TTF2: variants seen among roughly 807,000 people sequenced by gnomAD.
TTF2 encodes transcription termination factor 2.
A neutral mutation model predicts 142.4 loss-of-function variants in TTF2; 108 were observed. That is an observed-to-expected ratio of 0.76 (90% CI 0.65 to 0.89). The LOEUF is 0.89. TTF2 is among the 40% of genes least tolerant of loss of function. The pLI, the probability that TTF2 is intolerant of heterozygous loss-of-function variation, is 0.00. For missense variants in TTF2, 1,327 were observed against 1,379.8 expected (o/e 0.96, Z 0.61); for synonymous variants, 483 against 506.2 (o/e 0.95, Z 0.61).
rs1648060362 is a variant in TTF2, at chr1:117,086,836, G to C, written c.2160+314G>C. ...TACTTGTTGCTATTTTTATTTTAGAGTATTTGGGGTATATACTCATGATAT... is the reference window on the plus strand; with the variant it reads ...TACTTGTTGCTATTTTTATTTTAGACTATTTGGGGTATATACTCATGATAT... On this transcript the variant is annotated intron_variant, in intron 12 of 22. Coordinates refer to ENST00000369466, the MANE Select transcript of TTF2 (RefSeq NM_003594.4). This position sits in a 1 kb window ranked among gnomAD's most constrained non-coding sequence, Gnocchi z 4.2. Among the ~76,000 whole-genome samples, 1 of 151,896 alleles carries C rather than the reference G, an allele frequency of 6.6e-6. No individual in the cohort carries two copies. The highest frequency in any genetic ancestry group is 1.5e-5 in the Non-Finnish European group (1 of 67,988).
rs371494403 is a variant in TTF2, at chr1:117,097,445, G to A, written c.3269+12G>A. On this transcript the variant is annotated intron_variant, in intron 21 of 22. Transcript: ENST00000369466. The surrounding 1 kb of genome is among the most constrained non-coding windows in gnomAD (Gnocchi z 4.1). The stretch of plus-strand genomic sequence containing the variant: ...TTGGACATGCACTGGTAATGATTCC[G>A]GATTTGTCCTGGGTTGTCACAGCAC... 366 of 1,613,940 alleles carry A rather than the reference G, an allele frequency of 2.3e-4. No homozygotes were observed. Among genetic ancestry groups the A allele is most frequent in the African/African-American group, 2.2e-3 (165 of 75,020 alleles).
chr1:117,089,260 C>CATATATATATATATATATATATATA (rs1553198319), intron 13 of TTF2, among the ~76,000 whole-genome samples: 2 of 137,468 alleles, frequency 1.5e-5, no homozygotes, highest in South Asian at 2.4e-4. Context: ...CAAATATATG[C>CATATATATATATATATATATATATA]TATATATATA....
chr1:117,062,520 T>G, intron 3 of TTF2, 47 bp downstream of exon 3: 1 of 1,545,038 alleles, frequency 6.5e-7, no homozygotes, highest in Non-Finnish European at 8.8e-7. Context: ...TTTTTTTTTT[T>G]TTCTCCCTGA....
In TTF2 at chr1:117,090,540, G is replaced by A; in HGVS notation, c.2505G>A (p.Leu835=). ...TTTTTTTATTCTTCCAGGTGATACT[G>A]CCCCAGCGTAAATTTCAGTTGCACC... is the stretch of plus-strand genomic sequence containing the variant. The part of the protein sequence containing the change: ...LDSTGRPLVI[L]PQRKFQLHHL... The change falls in exon 15 of 23, where the codon CTG becomes CTA. Residue 835 remains leucine (L), a synonymous_variant. Transcript: ENST00000369466. The surrounding 1 kb of genome is among the most constrained non-coding windows in gnomAD (Gnocchi z 4.8). 6.2e-7 allele frequency: 1 copy of A among 1,613,326 alleles called. No homozygotes were observed. The highest frequency in any genetic ancestry group is 2.2e-5 in the East Asian group (1 of 44,868).
At position 117,092,322 on chromosome 1, in the gene TTF2, G is replaced by A. The variant is rs1437907407; in HGVS notation, c.2805+372G>A. ...GGTTTTCTGCTTTCAGGCAGTTTTG[G>A]GGTTTTGGGTTCCAGTTATAAAAAC... is the stretch of plus-strand genomic sequence containing the variant. On this transcript the variant is annotated intron_variant, in intron 17 of 22. Transcript: ENST00000369466. The surrounding 1 kb of genome is among the most constrained non-coding windows in gnomAD (Gnocchi z 4.4). Among the ~76,000 whole-genome samples, 3 of 152,076 alleles carry A rather than the reference G, an allele frequency of 2.0e-5. No individual in the cohort carries two copies. The highest frequency in any genetic ancestry group is 4.4e-5 in the Non-Finnish European group (3 of 68,010).
intron 8 of TTF2, among the ~76,000 whole-genome samples, chr1:117,078,680 T>C (rs1647217970): frequency 6.6e-6 from 1 of 152,160 alleles, no homozygotes; most frequent in African/African-American, 2.4e-5. Context: ...AAGGATTAGA[T>C]CTGAATAACT....
At position 117,091,894 on chromosome 1, in the gene TTF2, C is replaced by G. The variant is rs1483450020; in HGVS notation, c.2749C>G (p.Leu917Val). Residue 917 changes from leucine (L) to valine (V), a missense_variant, in exon 17 of 23, where the codon CTG becomes GTG. By Grantham distance (32) the Leu-to-Val change is conservative (BLOSUM62 1). Transcript: ENST00000369466. ...DSPRSSTVHI[L>V]SQLLRLRQCC... ...ACCGAGATCCAGCACCGTCCACATA[C>G]TGTCCCAGTTGCTGAGACTCCGCCA... 6.2e-7 allele frequency: 1 copy of G among 1,613,616 alleles called. No homozygotes were observed. Among genetic ancestry groups the G allele is most frequent in the Admixed American group, 1.7e-5 (1 of 59,986 alleles).
intron 21 of TTF2, 191 bp from the exon 22 acceptor site, chr1:117,098,642 C>T: frequency 2.0e-6 from 1 of 501,012 alleles, no homozygotes; most frequent in Non-Finnish European, 3.5e-6. Flanking sequence ...CTTTTCAGGC[C>T]ACATAGTTCT....
Position 117,085,814 on chromosome 1 carries a change from T to C in TTF2, c.2055-603T>C, listed in dbSNP as rs909372344. Among the ~76,000 whole-genome samples the C allele has an allele frequency of 6.6e-5, 10 of 152,198 alleles. No individual in the cohort carries two copies. The highest frequency in any genetic ancestry group is 4.6e-4 in the Admixed American group (7 of 15,278). On this transcript the variant is annotated intron_variant, in intron 11 of 22. Transcript: ENST00000369466. The surrounding 1 kb of genome is among the most constrained non-coding windows in gnomAD (Gnocchi z 4.7). ...CTGGAAAAAGATTTGTGTTTCTCAT[T>C]AATAATCTTTATATGTAAGGAGTAT...
Position 117,097,752 on chromosome 1 carries a change from C to G in TTF2, c.3269+319C>G, listed in dbSNP as rs922993080. 5.9e-5 allele frequency among the ~76,000 whole-genome samples: 9 copies of G among 152,186 alleles called. No homozygotes were observed. Among genetic ancestry groups the G allele is most frequent in the African/African-American group, 2.2e-4 (9 of 41,434 alleles). On this transcript the variant is annotated intron_variant, in intron 21 of 22. Transcript: ENST00000369466. The surrounding 1 kb of genome is among the most constrained non-coding windows in gnomAD (Gnocchi z 4.1). The stretch of plus-strand genomic sequence containing the variant: ...GAGTTAACCTTGCTCAGTTTTACCT[C>G]TTCTCCAGAATACTGTATTCCAGAC...
Position 117,087,798 on chromosome 1 carries a change from T to A in TTF2, c.2161-1003T>A, listed in dbSNP as rs541708692. 6.6e-6 allele frequency among the ~76,000 whole-genome samples: 1 copy of A among 152,216 alleles called. No individual in the cohort carries two copies. The highest frequency in any genetic ancestry group is 2.4e-5 in the African/African-American group (1 of 41,454). ...CCCAGGTTAATTTTTTTAAACCTGC[T>A]TCAAGAATCTTTTCTGGACCACTCC... On this transcript the variant is annotated intron_variant, in intron 12 of 22. Coordinates refer to ENST00000369466, the MANE Select transcript of TTF2 (RefSeq NM_003594.4). The surrounding 1 kb of genome is among the most constrained non-coding windows in gnomAD (Gnocchi z 4.8).
chr1:117,077,359 TCAC>T (rs1321973711), intron 7 of TTF2, among the ~76,000 whole-genome samples: 1 of 152,234 alleles, frequency 6.6e-6, no homozygotes, highest in Non-Finnish European at 1.5e-5. Flanking sequence ...TCTACCTTGT[TCAC>T]CACTGTATGC....
rs1043109207 is a variant in TTF2 at position 117,105,336 on chromosome 1, A to C, written c.*3812A>C. Reference sequence around the variant, plus strand: ...GACTTCATGGAAGGTATGTAGTTTGACTTTGCCTTAGCCATGTTGATCAAA... The same window carrying C: ...GACTTCATGGAAGGTATGTAGTTTGCCTTTGCCTTAGCCATGTTGATCAAA... On this transcript the variant is annotated 3_prime_UTR_variant, in exon 23 of 23. Transcript: ENST00000369466. The surrounding 1 kb of genome is among the most constrained non-coding windows in gnomAD (Gnocchi z 4.7). 6.6e-6 allele frequency: 1 copy of C among 152,164 alleles called. No homozygotes were observed. Among genetic ancestry groups the C allele is most frequent in the Non-Finnish European group, 1.5e-5 (1 of 68,040 alleles). 9.4% of individuals were successfully genotyped at this position (152,164 alleles called of 1,614,324 possible).
chr1:117,088,904 A>T lies in TTF2; in HGVS notation c.2264A>T (p.Lys755Met), dbSNP rs1187967273. Residue 755 changes from lysine to methionine, a missense_variant, in exon 13 of 23, where the codon AAG becomes ATG. By Grantham distance (95) the Lys-to-Met change is moderately conservative. Coordinates refer to ENST00000369466, the MANE Select transcript of TTF2 (RefSeq NM_003594.4). ...GTGCAGACTTCCATAGCTGTGTGTA[A>T]GCTACAAGCCTGTGCCCGTTGGGCT... ...PRVQTSIAVC[K>M]LQACARWAVT... The T allele has an allele frequency of 2.5e-6, 4 of 1,614,036 alleles. No individual in the cohort carries two copies. The African/African-American group carries it at 5.3e-5, about 22-fold the overall frequency.
Position 117,087,082 on chromosome 1 carries a change from T to C in TTF2, c.2160+560T>C, listed in dbSNP as rs2101101849. Among the ~76,000 whole-genome samples, 1 of 152,244 alleles carries C rather than the reference T, an allele frequency of 6.6e-6. No homozygotes were observed. Among genetic ancestry groups the C allele is most frequent in the East Asian group, 1.9e-4 (1 of 5,182 alleles). On this transcript the variant is annotated intron_variant, in intron 12 of 22. Coordinates refer to ENST00000369466, the MANE Select transcript of TTF2 (RefSeq NM_003594.4). The surrounding 1 kb of genome is among the most constrained non-coding windows in gnomAD (Gnocchi z 4.8). The stretch of plus-strand genomic sequence containing the variant: ...TTATCATGTAATTATACTCTGAAAA[T>C]ACAGTATTATCCCAAGAACTCATTT...
rs986873065 is a variant in TTF2 at position 117,107,395 on chromosome 1, A to G, written c.*5871A>G. 6 of 152,256 alleles carry G rather than the reference A, an allele frequency of 3.9e-5. No homozygotes were observed. The highest frequency in any genetic ancestry group is 1.4e-4 in the African/African-American group (6 of 41,464). The allele number at this position is 152,256 out of a possible 1,614,324, so 9.4% of individuals were successfully genotyped here. On this transcript the variant is annotated 3_prime_UTR_variant, in exon 23 of 23. Coordinates refer to ENST00000369466, the MANE Select transcript of TTF2 (RefSeq NM_003594.4). ...TATTGCAATGTTACTTCATCTACAT[A>G]AAGTTGTCCAATCACTGAAACCTCC...
chr1:117,096,135 ATTC>A lies in TTF2; in HGVS notation c.3036-8_3036-6del, dbSNP rs745559891. 1.5e-5 allele frequency: 24 copies of A among 1,613,398 alleles called. No homozygotes were observed. The highest frequency in any genetic ancestry group is 1.9e-5 in the Non-Finnish European group (23 of 1,179,798). ...CTATGTTAGGGTATTTTTTTATTTT[ATTC>A]TTCTTTCCAGTGTCATTGTCTCTCA... On this transcript the variant is annotated splice_polypyrimidine_tract_variant and intron_variant, in intron 19 of 22. Coordinates refer to ENST00000369466, the MANE Select transcript of TTF2 (RefSeq NM_003594.4).
rs1649138423 is a variant in TTF2, at chr1:117,096,274, C to T, written c.3161C>T (p.Ala1054Val). The change falls in exon 20 of 23, where the codon GCA becomes GTA. Residue 1054 changes from alanine (A) to valine (V), a missense_variant. Physicochemically the swap from Ala to Val is moderately conservative, Grantham distance 64 (BLOSUM62 0). Transcript: ENST00000369466. ...AAGCAGAGAATGGACTTGGTAGAGG[C>T]ATTTAACCACTCCAGAGGCCCTCAG... ...NPKQRMDLVE[A>V]FNHSRGPQVM... The T allele has an allele frequency of 6.2e-7, 1 of 1,613,998 alleles. No individual in the cohort carries two copies. The highest frequency in any genetic ancestry group is 8.5e-7 in the Non-Finnish European group (1 of 1,180,022).
Position 117,065,387 on chromosome 1 carries a change from A to G in TTF2, c.218+2914A>G, listed in dbSNP as rs181714373. On this transcript the variant is annotated intron_variant, in intron 3 of 22. Transcript: ENST00000369466. ...GCCAAGGCGGGCGGATCACGAGGTC[A>G]GGAGATCGAGACCATCATGGCTAAC... is the stretch of plus-strand genomic sequence containing the variant. Among the ~76,000 whole-genome samples the G allele has an allele frequency of 6.4e-3, 970 of 152,322 alleles. 7 individuals are homozygous for G. The highest frequency in any genetic ancestry group is 0.022 in the African/African-American group (927 of 41,556).
Sources: allele counts gnomAD v4.1 joint callset (sites outside exome capture counted in the v4.1 genomes callset), GRCh38; gene constraint gnomAD v4.1.1; non-coding constraint Gnocchi (gnomAD v3.1); transcripts MANE v1.5; gene names NCBI Gene and HGNC (gene_info 2026-07-23, HGNC 2026-07-21).